NEK1: variants seen among roughly 807,000 people sequenced by gnomAD.
NEK1 encodes NIMA related kinase 1, also known as serine/threonine-protein kinase Nek1.
In NEK1, 137 loss-of-function variants were observed where a neutral mutation model predicts 182.1. The observed-to-expected ratio is 0.75, with a 90% CI of 0.65 to 0.87. NEK1 has a LOEUF of 0.87. Ranked by LOEUF, NEK1 falls within the 40% of genes least tolerant of loss-of-function variation. The pLI is 0.00. For missense variants in NEK1, 1,391 were observed against 1,494.4 expected (o/e 0.93, Z 1.14); for synonymous variants, 513 against 492.2 (o/e 1.04, Z -0.56).
At chr4:169,429,599 G>T (rs781364937) in intron 29 of NEK1, among the ~76,000 whole-genome samples, 2 of 51,484 alleles carry the variant, frequency 3.9e-5, no homozygotes, top group Non-Finnish European at 8.0e-5. Context: ...TGTGGAAAAG[G>T]ACTCTTGCCC....
chr4:169,422,800 A>T (rs902804157), intron 31 of NEK1, among the ~76,000 whole-genome samples: 4 of 152,220 alleles, frequency 2.6e-5, no homozygotes, highest in Non-Finnish European at 5.9e-5. Flanking sequence ...CAAACAATCA[A>T]ATGTATTATG....
At chr4:169,539,175 A>C (rs1378044844) in intron 18 of NEK1, among the ~76,000 whole-genome samples, 1 of 152,132 alleles carries the variant, frequency 6.6e-6, no homozygotes, top group Non-Finnish European at 1.5e-5. Context: ...CCAGAAATCC[A>C]CTTCACCAAT....
chr4:169,495,059 T>C (rs903447152), intron 23 of NEK1, among the ~76,000 whole-genome samples: 1 of 152,118 alleles, frequency 6.6e-6, no homozygotes, highest in African/African-American at 2.4e-5. Context: ...ACTCTGATGG[T>C]AGTTTCTTTT....
intron 16 of NEK1, among the ~76,000 whole-genome samples, 171 bp downstream of exon 16, chr4:169,561,309 T>A (rs146454201): frequency 2.0e-4 from 31 of 152,224 alleles, no homozygotes; most frequent in African/African-American, 7.0e-4. Flanking sequence ...AAGTTACATA[T>A]CAGATACATG....
chr4:169,593,704 C>G (rs11933139), intron 5 of NEK1, among the ~76,000 whole-genome samples: 4 of 152,032 alleles, frequency 2.6e-5, no homozygotes, highest in African/African-American at 9.7e-5. Flanking sequence ...AAATTGTAAC[C>G]CTGGTCAGGC....
intron 27 of NEK1, among the ~76,000 whole-genome samples, chr4:169,451,376 A>G (rs1397709724): frequency 6.6e-6 from 1 of 152,222 alleles, no homozygotes; most frequent in African/African-American, 2.4e-5. Flanking sequence ...AATTGACCAC[A>G]TAATTGGAAG....
At chr4:169,525,060 ATT>A (rs1756687195) in intron 19 of NEK1, among the ~76,000 whole-genome samples, 1 of 152,112 alleles carries the variant, frequency 6.6e-6, no homozygotes, top group Non-Finnish European at 1.5e-5. Flanking sequence ...TGGGTATATT[ATT>A]TTGCTTTTTA....
At position 169,435,602 on chromosome 4, in the gene NEK1, G is replaced by C. The variant is rs539648574; in HGVS notation, c.2765-1937C>G. 4.6e-5 allele frequency among the ~76,000 whole-genome samples: 7 copies of C among 152,278 alleles called. No individual in the cohort carries two copies. In the East Asian group the frequency reaches 9.6e-4, roughly 21 times the overall value. On this transcript the variant is annotated intron_variant, in intron 28 of 35. Transcript: ENST00000507142. ...AGTAATGGAAGACAGTGAAAGTGAT[G>C]CTATGCCAGTTCCAGGCTGAGCCTT...
chr4:169,459,908 G>A (rs571156860), intron 27 of NEK1, among the ~76,000 whole-genome samples: 92 of 152,242 alleles, frequency 6.0e-4, no homozygotes, highest in African/African-American at 2.1e-3. Flanking sequence ...CAGAGCACAG[G>A]GGATTCTTGG....
At chr4:169,603,397 C>T (rs1770809011) in intron 2 of NEK1, among the ~76,000 whole-genome samples, 1 of 152,148 alleles carries the variant, frequency 6.6e-6, no homozygotes, top group African/African-American at 2.4e-5. Flanking sequence ...AGTTAAAGAA[C>T]ACTAAAAAGT....
chr4:169,494,409 C>G (rs888996283), intron 23 of NEK1, among the ~76,000 whole-genome samples: 1 of 152,144 alleles, frequency 6.6e-6, no homozygotes, highest in African/African-American at 2.4e-5. Context: ...CATCCATGCC[C>G]CTACAAAGGA....
chr4:169,594,468 T>A (rs562276562), intron 5 of NEK1, among the ~76,000 whole-genome samples: 1 of 152,252 alleles, frequency 6.6e-6, no homozygotes, highest in Non-Finnish European at 1.5e-5. Flanking sequence ...TACCATTTAC[T>A]GTCTGTGTAA....
At chr4:169,531,744 G>A (rs190010121) in intron 19 of NEK1, among the ~76,000 whole-genome samples, 6 of 152,188 alleles carry the variant, frequency 3.9e-5, no homozygotes, top group East Asian at 3.9e-4. Flanking sequence ...TACACATAAC[G>A]AGGAGGGATA....
At chr4:169,583,893 C>G (rs946997267) in intron 10 of NEK1, among the ~76,000 whole-genome samples, 3 of 152,198 alleles carry the variant, frequency 2.0e-5, no homozygotes, top group African/African-American at 7.2e-5. Context: ...GTAAAATCAA[C>G]ATCTGTTTTC....
chr4:169,497,260 T>A (rs1751505346), intron 23 of NEK1, among the ~76,000 whole-genome samples: 1 of 152,238 alleles, frequency 6.6e-6, no homozygotes, highest in South Asian at 2.1e-4. Context: ...ATCCCCTTTA[T>A]CATTTTTTAT....
At chr4:169,572,617 T>A (rs1027823687) in intron 12 of NEK1, among the ~76,000 whole-genome samples, 17 of 152,110 alleles carry the variant, frequency 1.1e-4, no homozygotes, top group Non-Finnish European at 4.4e-5. Context: ...GCCTGAGACC[T>A]TGAGCACCTC....
intron 26 of NEK1, among the ~76,000 whole-genome samples, chr4:169,467,143 TA>T (rs139363429): frequency 0.073 from 11,138 of 152,202 alleles, 1,336 homozygotes; most frequent in African/African-American, 0.25. Context: ...TCTTGATTCC[TA>T]TTATGAGAAT....
intron 16 of NEK1, among the ~76,000 whole-genome samples, chr4:169,558,527 A>G (rs1417802980): frequency 6.6e-6 from 1 of 152,234 alleles, no homozygotes; most frequent in Non-Finnish European, 1.5e-5. Flanking sequence ...AATCATAAAT[A>G]TGTACTCTTT....
chr4:169,524,941 T>C (rs1291357906), intron 19 of NEK1, among the ~76,000 whole-genome samples: 6 of 152,216 alleles, frequency 3.9e-5, no homozygotes, highest in Non-Finnish European at 8.8e-5. Flanking sequence ...AGAGACCTTA[T>C]GGCCAAGCAA....
Sources: gnomAD v4.1 joint callset for allele counts (sites outside exome capture counted in the v4.1 genomes callset) on GRCh38, gnomAD v4.1.1 for gene constraint, MANE v1.5 for transcripts, NCBI Gene and HGNC (gene_info 2026-07-23, HGNC 2026-07-21) for gene names.